TNNI3K: variants seen among roughly 807,000 people sequenced by gnomAD.
The protein encoded by TNNI3K is serine/threonine-protein kinase TNNI3K.
Under a neutral mutation model 114.5 loss-of-function variants are expected in TNNI3K, and 140 were observed. The ratio of observed to expected loss-of-function variants is 1.22; its 90% confidence interval spans 1.07 to 1.41. The LOEUF is 1.41. Ranked by LOEUF, TNNI3K falls within the 40% of genes most tolerant of loss-of-function variation. TNNI3K has a pLI of 0.00. For synonymous variants in TNNI3K, 347 were observed against 347.5 expected (o/e 1.00, Z 0.02); for missense variants, 1,125 against 1,007.6 (o/e 1.12, Z -1.58).
chr1:74,386,553 G>T (rs1663489330), intron 17 of TNNI3K, among the ~76,000 whole-genome samples: 1 of 151,998 alleles, frequency 6.6e-6, no homozygotes, highest in African/African-American at 2.4e-5. Context: ...TTCAAGAAAG[G>T]AAGCCATATA....
chr1:74,517,329 C>T (rs1365798442), intron 23 of TNNI3K, among the ~76,000 whole-genome samples: 3 of 152,214 alleles, frequency 2.0e-5, no homozygotes, highest in Non-Finnish European at 2.9e-5. Flanking sequence ...CATCCAATTT[C>T]AAACTAAGCT....
At chr1:74,236,871 G>C (rs1361381542) in intron 2 of TNNI3K, among the ~76,000 whole-genome samples, 2 of 151,750 alleles carry the variant, frequency 1.3e-5, no homozygotes, top group Non-Finnish European at 3.0e-5. Flanking sequence ...CTGACATTGA[G>C]AAACTAGATG....
chr1:74,400,873 C>T (rs1664323238), intron 17 of TNNI3K, among the ~76,000 whole-genome samples: 1 of 152,112 alleles, frequency 6.6e-6, no homozygotes, highest in African/African-American at 2.4e-5. Context: ...GGGATTTGTG[C>T]CTTAGTTCAA....
At chr1:74,371,672 A>G (rs981777396) in intron 17 of TNNI3K, 1 of 151,844 alleles carries the variant, frequency 6.6e-6, no homozygotes, top group African/African-American at 2.4e-5. Flanking sequence ...ATAATGTAAG[A>G]AGTGGACAAC....
chr1:74,310,625 G>A (rs1351434055), intron 5 of TNNI3K, among the ~76,000 whole-genome samples: 1 of 152,108 alleles, frequency 6.6e-6, no homozygotes, highest in East Asian at 1.9e-4. Flanking sequence ...TAGGCATATA[G>A]ATTAACAGAA....
intron 23 of TNNI3K, among the ~76,000 whole-genome samples, chr1:74,492,858 C>T (rs1422116651): frequency 1.3e-5 from 2 of 152,098 alleles, no homozygotes; most frequent in Non-Finnish European, 2.9e-5. Context: ...AATGTATTTC[C>T]GCAGTCTGAA....
At chr1:74,330,611 A>T (rs552481663) in intron 5 of TNNI3K, among the ~76,000 whole-genome samples, 4 of 152,292 alleles carry the variant, frequency 2.6e-5, no homozygotes, top group Non-Finnish European at 4.4e-5. Flanking sequence ...TGTGCAATAC[A>T]CATGTTAATA....
chr1:74,431,776 G>T (rs1175372979), intron 17 of TNNI3K, among the ~76,000 whole-genome samples: 1 of 152,126 alleles, frequency 6.6e-6, no homozygotes, highest in African/African-American at 2.4e-5. Context: ...GGTTGGCTGG[G>T]CACGCTCTTG....
At chr1:74,349,238 A>ATCATGTGT (rs1318061231) in intron 9 of TNNI3K, among the ~76,000 whole-genome samples, 1 of 152,160 alleles carries the variant, frequency 6.6e-6, no homozygotes, top group East Asian at 1.9e-4. Context: ...TATTGAGATA[A>ATCATGTGT]TCATGTGTTT....
intron 17 of TNNI3K, among the ~76,000 whole-genome samples, chr1:74,391,052 C>T (rs72673296): frequency 6.6e-6 from 1 of 150,942 alleles, no homozygotes; most frequent in African/African-American, 2.4e-5. Context: ...GCAAAAGCCA[C>T]AACATGTATG....
intron 2 of TNNI3K, among the ~76,000 whole-genome samples, chr1:74,246,073 C>G (rs187734177): frequency 2.6e-5 from 4 of 152,200 alleles, no homozygotes; most frequent in African/African-American, 9.7e-5. Context: ...TCAAAAAATA[C>G]TGCAATCAAA....
chr1:74,408,344 T>C (rs373374949), intron 17 of TNNI3K, among the ~76,000 whole-genome samples: 27 of 152,338 alleles, frequency 1.8e-4, no homozygotes, highest in African/African-American at 6.0e-4. Flanking sequence ...AATCAGCTCA[T>C]TCCCTTTTGT....
At chr1:74,498,788 GA>G in intron 23 of TNNI3K, among the ~76,000 whole-genome samples, 1 of 152,158 alleles carries the variant, frequency 6.6e-6, no homozygotes, top group South Asian at 2.1e-4. Context: ...TAAAAGGATA[GA>G]ATATAGGTGA....
intron 5 of TNNI3K, among the ~76,000 whole-genome samples, chr1:74,286,949 C>T (rs1311350673): frequency 6.6e-6 from 1 of 152,004 alleles, no homozygotes; most frequent in South Asian, 2.1e-4. Flanking sequence ...CTTAAAGAGG[C>T]TCAATGTGCT....
At chr1:74,462,181 A>G (rs997918594) in intron 20 of TNNI3K, among the ~76,000 whole-genome samples, 3 of 152,202 alleles carry the variant, frequency 2.0e-5, no homozygotes, top group Non-Finnish European at 1.5e-5. Flanking sequence ...AAATTAGGTA[A>G]TCATTCAGAA....
chr1:74,489,320 T>C, intron 22 of TNNI3K, 72 bp downstream of exon 22: 1 of 1,502,544 alleles, frequency 6.7e-7, no homozygotes, highest in Non-Finnish European at 9.1e-7. Context: ...GGAATGTAGA[T>C]GAGCTGGTGC....
intron 17 of TNNI3K, among the ~76,000 whole-genome samples, chr1:74,390,683 G>A (rs1188638404): frequency 6.6e-6 from 1 of 152,134 alleles, no homozygotes; most frequent in East Asian, 1.9e-4. Context: ...GAGAGGTAGG[G>A]CAGGAGGAGA....
At chr1:74,292,226 CT>C (rs1023278227) in intron 5 of TNNI3K, among the ~76,000 whole-genome samples, 2 of 150,886 alleles carry the variant, frequency 1.3e-5, no homozygotes, top group African/African-American at 4.9e-5. Context: ...ATATGTTTGT[CT>C]TTTTTTTAAT....
At chr1:74,337,119 C>A (rs1660513062) in intron 7 of TNNI3K, among the ~76,000 whole-genome samples, 2 of 151,970 alleles carry the variant, frequency 1.3e-5, no homozygotes, top group African/African-American at 4.8e-5. Context: ...AGCATTTTTT[C>A]ATGTGTTTTT....
Sources: gnomAD v4.1 joint callset for allele counts (sites outside exome capture counted in the v4.1 genomes callset) on GRCh38, gnomAD v4.1.1 for gene constraint, MANE v1.5 for transcripts, NCBI Gene and HGNC (gene_info 2026-07-23, HGNC 2026-07-21) for gene names.